Variants in NCEH1 observed in about 807,000 individuals in gnomAD.
The protein encoded by NCEH1 is 2-acetyl MAGE hydrolase.
In NCEH1, 9 loss-of-function variants were observed where a neutral mutation model predicts 25.4. The observed-to-expected ratio is 0.35, with a 90% CI of 0.21 to 0.62. The LOEUF (loss-of-function observed/expected upper bound fraction) is 0.62, where lower values mean the gene tolerates loss of function less well. Ranked by LOEUF, NCEH1 falls within the 20% of genes least tolerant of loss-of-function variation. The pLI is 0.72. For missense variants in NCEH1, 412 were observed against 501.1 expected, an observed-to-expected ratio of 0.82 and a Z score of 1.70; for synonymous variants, 200 against 199.8, an observed-to-expected ratio of 1.00 and a Z score of -0.01.
At chr3:172,688,330 C>CAAAAAAAAAAAAAAAAAAAAAAAAAAAAA (rs11376665) in intron 1 of NCEH1, among the ~76,000 whole-genome samples, 1 of 66,234 alleles carries the variant, frequency 1.5e-5, no homozygotes. Context: ...AACTCCACCT[C>CAAAAAAAAAAAAAAAAAAAAAAAAAAAAA]AAAAAAAAAA....
At chr3:172,709,933 A>C (rs1714207928) in intron 1 of NCEH1, among the ~76,000 whole-genome samples, 1 of 152,196 alleles carries the variant, frequency 6.6e-6, no homozygotes, top group Non-Finnish European at 1.5e-5. Context: ...ATACTGTCCA[A>C]TCAGAGGGCT....
At chr3:172,665,006 C>T (rs753782860) in intron 1 of NCEH1, among the ~76,000 whole-genome samples, 1 of 152,134 alleles carries the variant, frequency 6.6e-6, no homozygotes, top group African/African-American at 2.4e-5. Flanking sequence ...CCGTTGCTGG[C>T]GAGGCGCTGT....
intron 4 of NCEH1, among the ~76,000 whole-genome samples, 165 bp downstream of exon 4, chr3:172,635,751 C>T (rs989214922): frequency 2.6e-5 from 4 of 152,228 alleles, no homozygotes; most frequent in South Asian, 2.1e-4. Flanking sequence ...CCTACTTCAA[C>T]GAGATCTCTG....
At chr3:172,688,014 G>C (rs1712793464) in intron 1 of NCEH1, among the ~76,000 whole-genome samples, 1 of 152,124 alleles carries the variant, frequency 6.6e-6, no homozygotes, top group Non-Finnish European at 1.5e-5. Flanking sequence ...TTAATGCATA[G>C]AAACAGTTTA....
intron 3 of NCEH1, among the ~76,000 whole-genome samples, chr3:172,638,166 C>T (rs971281287): frequency 6.7e-6 from 1 of 149,654 alleles, no homozygotes; most frequent in African/African-American, 2.5e-5. Flanking sequence ...GGAATTACCA[C>T]ATTTTGAAAC....
intron 3 of NCEH1, chr3:172,636,289 G>T: frequency 4.9e-6 from 2 of 407,476 alleles, no homozygotes; most frequent in Non-Finnish European, 4.3e-6. Flanking sequence ...AAAATGTGAT[G>T]ATTTTGTATT....
At chr3:172,689,082 G>A (rs540507444) in intron 1 of NCEH1, among the ~76,000 whole-genome samples, 4 of 152,174 alleles carry the variant, frequency 2.6e-5, no homozygotes, top group African/African-American at 4.8e-5. Flanking sequence ...TACCCTTAGC[G>A]GGGACAAATG....
intron 1 of NCEH1, among the ~76,000 whole-genome samples, chr3:172,663,237 G>A (rs1201683900): frequency 1.3e-5 from 2 of 152,188 alleles, no homozygotes; most frequent in Admixed American, 6.5e-5. Flanking sequence ...TAATTCAGGA[G>A]CAGGTTGTTC....
intron 1 of NCEH1, among the ~76,000 whole-genome samples, chr3:172,671,485 G>A (rs16846030): frequency 2.1e-5 from 3 of 145,270 alleles, no homozygotes; most frequent in Non-Finnish European, 3.0e-5. Context: ...GCACAAAACC[G>A]CTGCTACACA....
chr3:172,697,485 T>A (rs2108534012), intron 1 of NCEH1, among the ~76,000 whole-genome samples: 1 of 152,348 alleles, frequency 6.6e-6, no homozygotes, highest in Non-Finnish European at 1.5e-5. Flanking sequence ...CTGTTCACCC[T>A]GCAGAGTGCA....
At chr3:172,679,821 G>A (rs757171319) in intron 1 of NCEH1, among the ~76,000 whole-genome samples, 10 of 151,960 alleles carry the variant, frequency 6.6e-5, no homozygotes, top group South Asian at 2.1e-4. Flanking sequence ...TGTGATGGCC[G>A]CCTCCAGATA....
intron 1 of NCEH1, among the ~76,000 whole-genome samples, chr3:172,688,330 C>CAA (rs11376665): frequency 0.16 from 10,734 of 65,340 alleles, 1,008 homozygotes; most frequent in Non-Finnish European, 0.2. Flanking sequence ...AACTCCACCT[C>CAA]AAAAAAAAAA....
intron 1 of NCEH1, among the ~76,000 whole-genome samples, chr3:172,655,888 C>T (rs1717669384): frequency 6.6e-6 from 1 of 151,912 alleles, no homozygotes; most frequent in African/African-American, 2.4e-5. Flanking sequence ...ACAGGAAAAA[C>T]CAATCAATAA....
At position 172,631,410 on chromosome 3, in the gene NCEH1, C is replaced by T. The variant is rs933456787; in HGVS notation, c.*2065G>A. On this transcript the variant is annotated 3_prime_UTR_variant, in exon 5 of 5. Coordinates refer to ENST00000475381, the MANE Select transcript of NCEH1 (RefSeq NM_020792.6). Reference sequence around the variant, plus strand: ...TTTTTTTTTAGGAAAAAAAGACCTTCGATGATGCAGGTGTCTGTGTATAAG... The same window carrying T: ...TTTTTTTTTAGGAAAAAAAGACCTTTGATGATGCAGGTGTCTGTGTATAAG... The T allele has an allele frequency of 2.0e-5, 3 of 151,820 alleles. No homozygotes were observed. Among genetic ancestry groups the T allele is most frequent in the African/African-American group, 4.9e-5 (2 of 41,150 alleles). 9.4% of individuals were successfully genotyped at this position (151,820 alleles called of 1,614,324 possible).
chr3:172,674,196 C>G (rs1711807445), intron 1 of NCEH1, among the ~76,000 whole-genome samples: 1 of 152,288 alleles, frequency 6.6e-6, no homozygotes, highest in East Asian at 1.9e-4. Flanking sequence ...AATCCCAGCA[C>G]TTTGGGAGGA....
chr3:172,686,909 G>A (rs1222254662), intron 1 of NCEH1, among the ~76,000 whole-genome samples: 1 of 152,260 alleles, frequency 6.6e-6, no homozygotes, highest in East Asian at 1.9e-4. Context: ...GGGAGGGAGA[G>A]CTAGGAAGGA....
chr3:172,670,104 C>T lies in NCEH1; in HGVS notation c.139-21990G>A, dbSNP rs929345325. Among the ~76,000 whole-genome samples, 5 of 152,032 alleles carry T rather than the reference C, an allele frequency of 3.3e-5. No homozygotes were observed. In the East Asian group the frequency reaches 5.8e-4, roughly 18 times the overall value. On this transcript the variant is annotated intron_variant, in intron 1 of 4. Transcript: ENST00000475381. The stretch of plus-strand genomic sequence containing the variant: ...AGTTTTTTTCACACTGTTCAAACTA[C>T]CCTTCATCCTATAACGGCAGACATG...
intron 1 of NCEH1, among the ~76,000 whole-genome samples, chr3:172,668,404 GA>G (rs1285161250): frequency 1.2e-4 from 16 of 136,822 alleles, no homozygotes; most frequent in African/African-American, 4.5e-4. Flanking sequence ...GCCCAGGCTG[GA>G]GTGCAATGGC....
rs116238042 is a variant in NCEH1, at chr3:172,685,302, G to A, written c.138+25545C>T. Among the ~76,000 whole-genome samples the A allele has an allele frequency of 3.7e-3, 568 of 152,236 alleles. 3 individuals are homozygous for A. Among genetic ancestry groups the A allele is most frequent in the African/African-American group, 0.013 (547 of 41,542 alleles). On this transcript the variant is annotated intron_variant, in intron 1 of 4. Coordinates refer to ENST00000475381, the MANE Select transcript of NCEH1 (RefSeq NM_020792.6). ...ACTCTATCTCAACAACAACAAAAAA[G>A]AGCCCATCTTCACTGGGCTCATAAT...
Sources: gnomAD v4.1 joint callset for allele counts (sites outside exome capture counted in the v4.1 genomes callset) on GRCh38, gnomAD v4.1.1 for gene constraint, MANE v1.5 for transcripts, NCBI Gene and HGNC (gene_info 2026-07-23, HGNC 2026-07-21) for gene names.